C6: variants seen among roughly 807,000 people sequenced by gnomAD.
C6 encodes the protein complement C6, also known as complement component C6.
C6 carries 101 observed loss-of-function variants against 112.9 expected under a neutral mutation model. The ratio of observed to expected loss-of-function variants is 0.89; its 90% CI spans 0.76 to 1.06. The LOEUF (loss-of-function observed/expected upper bound fraction) is 1.06. Ranked by LOEUF, C6 falls within the 50% of genes least tolerant of loss-of-function variation. C6 has a pLI of 0.00. For missense variants in C6, 1,202 were observed against 1,104.6 expected, an observed-to-expected ratio of 1.09 and a Z score of -1.25; for synonymous variants, 431 against 384.1, an observed-to-expected ratio of 1.12 and a Z score of -1.43.
intron 1 of C6, among the ~76,000 whole-genome samples, chr5:41,205,912 C>T (rs530869533): frequency 6.6e-6 from 1 of 152,350 alleles, no homozygotes; most frequent in East Asian, 1.9e-4. Context: ...AATGGACAGA[C>T]TGCCTCCTCA....
intron 1 of C6, among the ~76,000 whole-genome samples, chr5:41,220,788 A>T (rs1739116198): frequency 6.6e-6 from 1 of 152,042 alleles, no homozygotes; most frequent in African/African-American, 2.4e-5. Flanking sequence ...TTTGGGGTAC[A>T]AATGATTTCA....
chr5:41,166,716 C>T (rs1020354698), intron 9 of C6, among the ~76,000 whole-genome samples: 1 of 152,008 alleles, frequency 6.6e-6, no homozygotes, highest in African/African-American at 2.4e-5. Context: ...GCAGTGAGTA[C>T]GTCTAGGAGG....
intron 1 of C6, among the ~76,000 whole-genome samples, chr5:41,207,537 A>G (rs932346030): frequency 6.6e-6 from 1 of 152,214 alleles, no homozygotes; most frequent in African/African-American, 2.4e-5. Flanking sequence ...AGGAAGATCT[A>G]CCAAGCAAAT....
intron 5 of C6, among the ~76,000 whole-genome samples, chr5:41,188,490 T>G (rs1355308763): frequency 6.6e-6 from 1 of 152,034 alleles, no homozygotes; most frequent in East Asian, 1.9e-4. Flanking sequence ...GTCAATTGAT[T>G]TTCAACAAGG....
chr5:41,220,423 T>C (rs572196794), intron 1 of C6, among the ~76,000 whole-genome samples: 4 of 152,202 alleles, frequency 2.6e-5, no homozygotes, highest in Admixed American at 6.5e-5. Flanking sequence ...TTCTTTATTT[T>C]AATCTTCCAG....
chr5:41,210,295 A>G (rs111668387), intron 1 of C6, among the ~76,000 whole-genome samples: 3 of 152,234 alleles, frequency 2.0e-5, no homozygotes, highest in Non-Finnish European at 4.4e-5. Context: ...ACCATTCAGG[A>G]CATAGGCATG....
At position 41,203,308 on chromosome 5, in the gene C6, A is replaced by G; in HGVS notation, c.-20-58T>C. ...TGCTTTTTTGAGGTAAACCTTCACA[A>G]GTCATCCTGAGTCAGAGATTCAAAT... On this transcript the variant is annotated intron_variant, in intron 1 of 17. Transcript: ENST00000337836. 3.9e-6 allele frequency: 6 copies of G among 1,524,566 alleles called. No individual in the cohort carries two copies. In the South Asian group the frequency reaches 6.8e-5, roughly 17 times the overall value. 94.4% of individuals were successfully genotyped at this position (1,524,566 alleles called of 1,614,324 possible).
rs868337021 is a variant in C6, at chr5:41,211,026, G to C, written c.-21+2350C>G. On this transcript the variant is annotated intron_variant, in intron 1 of 17. Coordinates refer to ENST00000337836, the MANE Select transcript of C6 (RefSeq NM_000065.5). ...TGATAGACTGGATTAAGAAAATGTG[G>C]CACATATACACCATGGAATACTATG... 2.8e-4 allele frequency among the ~76,000 whole-genome samples: 42 copies of C among 152,262 alleles called. No individual in the cohort carries two copies. In the South Asian group the frequency reaches 8.7e-3, roughly 32 times the overall value.
At position 41,154,969 on chromosome 5, in the gene C6, C is replaced by A. The variant is rs375922090; in HGVS notation, c.2101+3G>T. On this transcript the variant is annotated splice_donor_region_variant and intron_variant, in intron 14 of 17. Coordinates refer to ENST00000337836, the MANE Select transcript of C6 (RefSeq NM_000065.5). ...CAAGCAAAATTGTTTGCCCAGTTCT[C>A]ACGTTGGCATTCCACATCCCCTTGT... is the stretch of plus-strand genomic sequence containing the variant. 2.4e-5 allele frequency: 38 copies of A among 1,613,556 alleles called. No individual in the cohort carries two copies. Among genetic ancestry groups the A allele is most frequent in the Non-Finnish European group, 3.1e-5 (37 of 1,179,692 alleles).
At chr5:41,178,467 T>G (rs1749038565) in intron 7 of C6, among the ~76,000 whole-genome samples, 1 of 20,512 alleles carries the variant, frequency 4.9e-5, no homozygotes. Context: ...TTTCTTTTTC[T>G]TTTTTTTTTT....
intron 13 of C6, among the ~76,000 whole-genome samples, 193 bp downstream of exon 13, chr5:41,158,481 A>T (rs1336021331): frequency 6.6e-6 from 1 of 152,204 alleles, no homozygotes; most frequent in Non-Finnish European, 1.5e-5. Context: ...CTTTAGTCTA[A>T]CAACTGGCTA....
At chr5:41,244,494 C>G (rs886398205) in intron 1 of C6, among the ~76,000 whole-genome samples, 6 of 152,180 alleles carry the variant, frequency 3.9e-5, no homozygotes, top group Admixed American at 2.6e-4. Flanking sequence ...TTTCAAAGCC[C>G]ATACTAATAA....
chr5:41,210,335 A>G (rs960322660), intron 1 of C6, among the ~76,000 whole-genome samples: 20 of 152,346 alleles, frequency 1.3e-4, no homozygotes, highest in African/African-American at 4.6e-4. Context: ...AAACACCAAA[A>G]GCAATGGCAA....
At chr5:41,211,691 C>T (rs529226189) in intron 1 of C6, among the ~76,000 whole-genome samples, 3 of 152,076 alleles carry the variant, frequency 2.0e-5, no homozygotes, top group South Asian at 2.1e-4. Context: ...CATACAGGGA[C>T]CTTTTCAGCA....
chr5:41,198,720 C>A (rs532838648), intron 4 of C6, among the ~76,000 whole-genome samples: 1 of 152,040 alleles, frequency 6.6e-6, no homozygotes, highest in African/African-American at 2.4e-5. Flanking sequence ...GTATTTTTGG[C>A]CTGAATGCAG....
chr5:41,225,915 G>C (rs966748130), intron 1 of C6, among the ~76,000 whole-genome samples: 16 of 152,262 alleles, frequency 1.1e-4, no homozygotes, highest in Admixed American at 2.0e-4. Context: ...AAAGCTGAAA[G>C]TGGATCCCTT....
intron 5 of C6, among the ~76,000 whole-genome samples, chr5:41,188,313 G>A (rs1749942068): frequency 6.6e-6 from 1 of 152,024 alleles, no homozygotes. Flanking sequence ...GAACAGCCAA[G>A]AGAATCGTGA....
At chr5:41,185,561 C>T (rs1403170953) in intron 6 of C6, among the ~76,000 whole-genome samples, 2 of 152,072 alleles carry the variant, frequency 1.3e-5, no homozygotes, top group African/African-American at 4.8e-5. Context: ...TTATAATTTA[C>T]TAAAAGAAAC....
intron 1 of C6, among the ~76,000 whole-genome samples, chr5:41,238,615 C>A (rs1740483218): frequency 6.6e-6 from 1 of 152,118 alleles, no homozygotes; most frequent in Non-Finnish European, 1.5e-5. Context: ...GAGACATGAC[C>A]AGTGTTGTGC....
Sources: gnomAD v4.1 joint callset for allele counts (sites outside exome capture counted in the v4.1 genomes callset) on GRCh38, gnomAD v4.1.1 for gene constraint, MANE v1.5 for transcripts, NCBI Gene and HGNC (gene_info 2026-07-23, HGNC 2026-07-21) for gene names.